The following ARHGEF10 variants were observed in gnomAD, a reference collection of about 807,000 sequenced individuals.
ARHGEF10 encodes the protein Rho guanine nucleotide exchange factor (GEF) 10.
In ARHGEF10, 140 loss-of-function variants were observed where a neutral mutation model predicts 147.4. That is an observed-to-expected ratio of 0.95 (90% CI 0.83 to 1.09). The LOEUF is 1.09. Ranked by LOEUF, ARHGEF10 falls within the 50% of genes least tolerant of loss-of-function variation. The probability of loss-of-function intolerance (pLI) is 0.00; values close to 1 mark genes in which losing one functional copy is unlikely to be tolerated. For synonymous variants in ARHGEF10, 902 were observed against 695.8 expected, an observed-to-expected ratio of 1.30 and a Z score of -4.67; for missense variants, 2,222 against 1,752.7, an observed-to-expected ratio of 1.27 and a Z score of -4.78.
chr8:1,826,422 T>C (rs574437800), intron 1 of ARHGEF10, among the ~76,000 whole-genome samples: 2 of 149,374 alleles, frequency 1.3e-5, no homozygotes, highest in African/African-American at 2.4e-5. Flanking sequence ...TGTGTGTGTG[T>C]GCGCTTTGTG....
chr8:1,917,907 C>G (rs898569840), intron 18 of ARHGEF10, among the ~76,000 whole-genome samples: 3 of 151,842 alleles, frequency 2.0e-5, no homozygotes, highest in Non-Finnish European at 4.4e-5. Context: ...CTCTGAGTAG[C>G]TGGAACTACT....
chr8:1,857,442 C>T (rs1407071515), intron 2 of ARHGEF10, among the ~76,000 whole-genome samples: 1 of 144,132 alleles, frequency 6.9e-6, no homozygotes, highest in African/African-American at 2.6e-5. Context: ...TTTTTTGAGA[C>T]AGAGTTTTGC....
intron 18 of ARHGEF10, among the ~76,000 whole-genome samples, chr8:1,912,745 G>T (rs147427013): frequency 2.6e-5 from 4 of 152,182 alleles, no homozygotes; most frequent in Admixed American, 6.5e-5. Flanking sequence ...GAAAAATGTC[G>T]TGTCCCCTAT....
At chr8:1,896,025 C>G (rs2129160643) in intron 13 of ARHGEF10, among the ~76,000 whole-genome samples, 1 of 152,244 alleles carries the variant, frequency 6.6e-6, no homozygotes, top group East Asian at 1.9e-4. Flanking sequence ...TTGGCAGGAA[C>G]TTAAAATCAC....
chr8:1,902,618 C>G (rs1252994697), intron 15 of ARHGEF10, among the ~76,000 whole-genome samples: 1 of 152,046 alleles, frequency 6.6e-6, no homozygotes, highest in African/African-American at 2.4e-5. Flanking sequence ...CCCCCCACAT[C>G]TCCACCAGAG....
At chr8:1,897,472 C>G (rs1810084890) in intron 14 of ARHGEF10, among the ~76,000 whole-genome samples, 2 of 151,560 alleles carry the variant, frequency 1.3e-5, no homozygotes, top group African/African-American at 2.4e-5. Context: ...GGGCTCTGTC[C>G]TAAGGGATCG....
At chr8:1,936,861 G>A (rs1426262181) in intron 26 of ARHGEF10, among the ~76,000 whole-genome samples, 1 of 152,178 alleles carries the variant, frequency 6.6e-6, no homozygotes, top group African/African-American at 2.4e-5. Context: ...CACCGCTTTG[G>A]CTTGCAGCAC....
At chr8:1,886,417 G>T (rs1808663182) in intron 11 of ARHGEF10, among the ~76,000 whole-genome samples, 1 of 152,190 alleles carries the variant, frequency 6.6e-6, no homozygotes, top group South Asian at 2.1e-4. Flanking sequence ...GGCAGATAGA[G>T]CAAGAGAGAG....
chr8:1,869,301 C>A (rs770883226), intron 7 of ARHGEF10, 51 bp downstream of exon 7: 2 of 1,499,408 alleles, frequency 1.3e-6, no homozygotes, highest in South Asian at 1.1e-5. Flanking sequence ...AGCAGCCTTT[C>A]CCTCTGGATG....
rs565422749 is a variant in ARHGEF10 at position 1,951,206 on chromosome 8, G to A, written c.3398-1499G>A. Among the ~76,000 whole-genome samples the A allele has an allele frequency of 3.9e-5, 6 of 152,310 alleles. No individual in the cohort carries two copies. In the East Asian group the frequency reaches 5.8e-4, roughly 15 times the overall value. ...GAAAGATCATCCACACTCCCTTTGC[G>A]GCTGCGCCCCGGGCTGCTCCCCGTG... is the stretch of plus-strand genomic sequence containing the variant. On this transcript the variant is annotated intron_variant, in intron 27 of 28. Coordinates refer to ENST00000349830, the MANE Select transcript of ARHGEF10 (RefSeq NM_014629.4).
At chr8:1,884,544 C>G (rs959917002) in intron 10 of ARHGEF10, among the ~76,000 whole-genome samples, 11 of 152,204 alleles carry the variant, frequency 7.2e-5, no homozygotes, top group Admixed American at 2.0e-4. Context: ...GGTGCCAGGC[C>G]CTCCTTCCCT....
intron 16 of ARHGEF10, among the ~76,000 whole-genome samples, chr8:1,904,601 G>A (rs931467328): frequency 7.2e-5 from 11 of 152,110 alleles, no homozygotes; most frequent in Non-Finnish European, 4.4e-5. Context: ...TTGAACCTCC[G>A]AATACACATG....
At chr8:1,867,260 A>G (rs1806705408) in intron 6 of ARHGEF10, among the ~76,000 whole-genome samples, 1 of 152,218 alleles carries the variant, frequency 6.6e-6, no homozygotes. Context: ...GCTAATTGGT[A>G]ATGATCTGAT....
chr8:1,923,495 T>C lies in ARHGEF10; in HGVS notation c.2287T>C (p.Trp763Arg), dbSNP rs1327827912. The C allele has an allele frequency of 1.2e-6, 2 of 1,614,040 alleles. No homozygotes were observed. Among genetic ancestry groups the C allele is most frequent in the Admixed American group, 1.7e-5 (1 of 60,006 alleles). ...CTTAAACCAGTCAGTAGCCCATGAC[T>C]GGACATCAGGTTTACAAAGGCTTAT... ...QNLNQSVAHD[W>R]TSGLQRLILK... Residue 763 changes from tryptophan (W) to arginine (R), a missense_variant, in exon 20 of 29, where the codon TGG becomes CGG. By Grantham distance (101) the Trp-to-Arg change is moderately radical. Coordinates refer to ENST00000349830, the MANE Select transcript of ARHGEF10 (RefSeq NM_014629.4).
intron 17 of ARHGEF10, 66 bp from the exon 18 acceptor site, chr8:1,909,229 G>T (rs1811159619): frequency 6.3e-7 from 1 of 1,597,734 alleles, no homozygotes; most frequent in African/African-American, 1.3e-5. Flanking sequence ...AACATCTGAG[G>T]GATGAACATT....
intron 1 of ARHGEF10, among the ~76,000 whole-genome samples, chr8:1,828,254 G>C (rs1325230646): frequency 1.3e-5 from 2 of 152,216 alleles, no homozygotes; most frequent in Non-Finnish European, 2.9e-5. Context: ...TCCAGCTGTG[G>C]GGAACAGACC....
intron 14 of ARHGEF10, 100 bp from the exon 15 acceptor site, chr8:1,898,333 A>G (rs1810177381): frequency 9.6e-7 from 1 of 1,040,372 alleles, no homozygotes; most frequent in African/African-American, 1.6e-5. Context: ...CAGGCTTTTG[A>G]CTTTCCCGAG....
intron 17 of ARHGEF10, 151 bp downstream of exon 17, chr8:1,905,867 T>G: frequency 1.1e-6 from 1 of 910,514 alleles, no homozygotes; most frequent in Non-Finnish European, 1.7e-6. Context: ...ACCCTTATAA[T>G]AAGCAAGCTT....
rs766515618 is a variant in ARHGEF10, at chr8:1,925,372, C to T, written c.2578C>T (p.Pro860Ser). Residue 860 changes from proline to serine, a missense_variant, in exon 22 of 29, where the codon CCC becomes TCC. Pro to Ser is a moderately conservative substitution (Grantham distance 74). Transcript: ENST00000349830. ...EKHPLLVGHM[P>S]VMVAKQQEFK... Reference sequence around the variant, plus strand: ...GCATCCTCTCCTCGTCGGACACATGCCCGTGATGGTGGCCAAGCAGCAGGA... The same window carrying T: ...GCATCCTCTCCTCGTCGGACACATGTCCGTGATGGTGGCCAAGCAGCAGGA... The T allele has an allele frequency of 4.3e-5, 69 of 1,614,130 alleles. No homozygotes were observed. Among genetic ancestry groups the T allele is most frequent in the Middle Eastern group, 1.7e-4 (1 of 6,052 alleles).
Sources: gnomAD v4.1 joint callset for allele counts (sites outside exome capture counted in the v4.1 genomes callset) on GRCh38, gnomAD v4.1.1 for gene constraint, MANE v1.5 for transcripts, NCBI Gene and HGNC (gene_info 2026-07-23, HGNC 2026-07-21) for gene names.